Variants in WASHC3 observed in about 807,000 individuals in gnomAD.
The protein encoded by WASHC3 is WASH complex subunit CCDC53.
WASHC3 carries 24 observed loss-of-function variants against 26.1 expected under a neutral mutation model. The ratio of observed to expected loss-of-function variants is 0.92; its 90% CI spans 0.66 to 1.29. The LOEUF is 1.29. Ranked by LOEUF, WASHC3 falls within the 50% of genes most tolerant of loss-of-function variation. The pLI, the probability that WASHC3 is intolerant of heterozygous loss-of-function variation, is 0.00. For synonymous variants in WASHC3, 77 were observed against 75.7 expected, an observed-to-expected ratio of 1.02 and a Z score of -0.09; for missense variants, 214 against 229.6, an observed-to-expected ratio of 0.93 and a Z score of 0.44.
chr12:102,030,907 T>C (rs1250856779), intron 5 of WASHC3, among the ~76,000 whole-genome samples: 1 of 152,198 alleles, frequency 6.6e-6, no homozygotes, highest in Non-Finnish European at 1.5e-5. Context: ...TTTAGCAGTA[T>C]CATTGCTTAC....
intron 5 of WASHC3, among the ~76,000 whole-genome samples, chr12:102,032,054 C>T (rs1221596766): frequency 6.6e-6 from 1 of 152,160 alleles, no homozygotes; most frequent in Non-Finnish European, 1.5e-5. Context: ...GAACATGCTA[C>T]TTCATGCTTG....
At chr12:102,025,416 G>T (rs1379769024) in intron 6 of WASHC3, among the ~76,000 whole-genome samples, 1 of 151,332 alleles carries the variant, frequency 6.6e-6, no homozygotes, top group African/African-American at 2.4e-5. Context: ...CACACAATAA[G>T]GGATTAAATA....
chr12:102,032,654 C>CA (rs1265649672), intron 5 of WASHC3, among the ~76,000 whole-genome samples: 2 of 152,142 alleles, frequency 1.3e-5, no homozygotes, highest in East Asian at 3.9e-4. Context: ...TAATGAGATC[C>CA]AAATTTGGGG....
chr12:102,039,903 G>C lies in WASHC3; in HGVS notation c.400C>G (p.Pro134Ala), dbSNP rs752712857. 12 of 1,600,856 alleles carry C rather than the reference G, an allele frequency of 7.5e-6. No homozygotes were observed. In the South Asian group the frequency reaches 1.3e-4, roughly 18 times the overall value. The change falls in exon 5 of 7, where the codon CCA becomes GCA. Residue 134 changes from proline to alanine, a missense_variant. Pro to Ala is a conservative substitution (Grantham distance 27, BLOSUM62 -1). Transcript: ENST00000240079. ...AENILTVAKD[P>A]RYARYLKMVQ... ...ATTTTGAGATATCTGGCATATCTTG[G>C]ATCCTTGGCTACAGTTAAGATATTT...
At chr12:102,017,984 C>G (rs961233110) in intron 6 of WASHC3, among the ~76,000 whole-genome samples, 6 of 152,166 alleles carry the variant, frequency 3.9e-5, no homozygotes, top group African/African-American at 1.4e-4. Context: ...ATCCGTCCAG[C>G]TGCTGACAAC....
In WASHC3 at chr12:102,018,641, T is replaced by A. The variant is rs1014909118; in HGVS notation, c.501-5449A>T. Among the ~76,000 whole-genome samples the A allele has an allele frequency of 3.7e-4, 57 of 152,090 alleles. 1 individual carries two copies. Among genetic ancestry groups the A allele is most frequent in the Non-Finnish European group, 1.3e-4 (9 of 68,014 alleles). On this transcript the variant is annotated intron_variant, in intron 6 of 6. Transcript: ENST00000240079. ...ATACACTCTATCGCGCCTGGCTAAT[T>A]TAACTTTTTGTAAAGATGAGGTCTC...
chr12:102,041,395 A>G (rs553133232), intron 4 of WASHC3, among the ~76,000 whole-genome samples: 20 of 152,156 alleles, frequency 1.3e-4, no homozygotes, highest in African/African-American at 4.8e-4. Context: ...TAAATCCTCT[A>G]TCATATCTCT....
At chr12:102,049,590 A>G (rs960977114) in intron 2 of WASHC3, among the ~76,000 whole-genome samples, 3 of 152,204 alleles carry the variant, frequency 2.0e-5, no homozygotes, top group Non-Finnish European at 4.4e-5. Context: ...AAAGAAGGAA[A>G]TATGGAGTTA....
intron 5 of WASHC3, among the ~76,000 whole-genome samples, chr12:102,031,598 A>T (rs548926958): frequency 6.6e-6 from 1 of 152,176 alleles, no homozygotes; most frequent in African/African-American, 2.4e-5. Context: ...CTTTATATTC[A>T]TAAGTGTGGC....
At chr12:102,062,056 A>G, upstream of WASHC3, 4 of 1,096,926 alleles carry the variant, frequency 3.6e-6, no homozygotes, top group Middle Eastern at 2.0e-4. Flanking sequence ...TTTCCCCCCA[A>G]GTGCCCGCCT....
chr12:102,039,061 G>A (rs1484585206), intron 5 of WASHC3, among the ~76,000 whole-genome samples: 1 of 150,902 alleles, frequency 6.6e-6, no homozygotes, highest in African/African-American at 2.4e-5. Context: ...TTGGGCTCAA[G>A]CAATCCTCCC....
chr12:102,017,545 A>G (rs1876759913), intron 6 of WASHC3, among the ~76,000 whole-genome samples: 1 of 152,246 alleles, frequency 6.6e-6, no homozygotes, highest in Non-Finnish European at 1.5e-5. Context: ...GGGATGGTGT[A>G]GCAGGCTGCA....
chr12:102,036,966 T>C (rs2121392784), intron 5 of WASHC3, among the ~76,000 whole-genome samples: 1 of 152,348 alleles, frequency 6.6e-6, no homozygotes, highest in Admixed American at 6.5e-5. Flanking sequence ...CTTAAATGCT[T>C]TTAAATTTAA....
intron 5 of WASHC3, among the ~76,000 whole-genome samples, chr12:102,034,789 T>TGTGA (rs1360162987): frequency 1.4e-4 from 21 of 150,300 alleles, no homozygotes; most frequent in African/African-American, 4.7e-4. Flanking sequence ...AAAGTGTGTG[T>TGTGA]GTGTGTGTGT....
chr12:102,013,086 G>A lies in WASHC3; in HGVS notation c.*22C>T. 9.1e-7 allele frequency: 1 copy of A among 1,098,790 alleles called. No homozygotes were observed. The highest frequency in any genetic ancestry group is 1.4e-6 in the Non-Finnish European group (1 of 738,696). The allele number at this position is 1,098,790 out of a possible 1,614,324, so 68.1% of individuals were successfully genotyped here. ...TAAATGTACCCCTATGCATGCATAT[G>A]TAATTCTTATCAAAATTAAGCTTAA... On this transcript the variant is annotated 3_prime_UTR_variant, in exon 7 of 7. Transcript: ENST00000240079.
chr12:102,025,903 A>T (rs903078632), intron 6 of WASHC3, 71 bp downstream of exon 6: 2 of 804,250 alleles, frequency 2.5e-6, no homozygotes, highest in Non-Finnish European at 4.1e-6. Context: ...AGAGAATTTG[A>T]AATATTTTTA....
chr12:102,047,232 T>C (rs1169675232), intron 2 of WASHC3, among the ~76,000 whole-genome samples: 1 of 152,158 alleles, frequency 6.6e-6, no homozygotes, highest in African/African-American at 2.4e-5. Flanking sequence ...AGCTGGCAGA[T>C]ACACAGCATC....
intron 4 of WASHC3, among the ~76,000 whole-genome samples, chr12:102,042,356 T>C (rs979668290): frequency 1.1e-4 from 16 of 152,162 alleles, no homozygotes; most frequent in Non-Finnish European, 7.4e-5. Context: ...TATACTATAT[T>C]CTAAATATAT....
intron 2 of WASHC3, among the ~76,000 whole-genome samples, chr12:102,055,503 G>A (rs929217817): frequency 5.3e-5 from 8 of 152,112 alleles, no homozygotes; most frequent in Non-Finnish European, 1.0e-4. Flanking sequence ...GCACCACCAC[G>A]CCCAGTTAAT....
Sources: gnomAD v4.1 joint callset for allele counts (sites outside exome capture counted in the v4.1 genomes callset) on GRCh38, gnomAD v4.1.1 for gene constraint, MANE v1.5 for transcripts, NCBI Gene and HGNC (gene_info 2026-07-23, HGNC 2026-07-21) for gene names.